STK38: variants seen among roughly 807,000 people sequenced by gnomAD.
STK38 encodes the protein serine/threonine-protein kinase 38.
Under a neutral mutation model 59.0 loss-of-function variants are expected in STK38, and 26 were observed. That is an observed-to-expected ratio of 0.44 (90% CI 0.32 to 0.61). STK38 has a LOEUF of 0.61. Ranked by LOEUF, STK38 falls within the 20% of genes least tolerant of loss-of-function variation. The pLI is 0.04. For missense variants in STK38, 433 were observed against 566.0 expected, an observed-to-expected ratio of 0.76 and a Z score of 2.38; for synonymous variants, 175 against 176.6, an observed-to-expected ratio of 0.99 and a Z score of 0.07.
At chr6:36,518,848 TACA>T (rs2127477794) in intron 5 of STK38, among the ~76,000 whole-genome samples, 1 of 152,372 alleles carries the variant, frequency 6.6e-6, no homozygotes, top group Non-Finnish European at 1.5e-5. Context: ...CTTGACTTTT[TACA>T]ACATGTTCTG....
chr6:36,510,773 C>T (rs1406508052), intron 7 of STK38, among the ~76,000 whole-genome samples: 2 of 152,230 alleles, frequency 1.3e-5, no homozygotes, highest in East Asian at 3.8e-4. Context: ...AGACTCAGAG[C>T]TGTTAAATGG....
intron 9 of STK38, among the ~76,000 whole-genome samples, chr6:36,504,532 T>G (rs1490697896): frequency 1.3e-5 from 2 of 152,114 alleles, no homozygotes; most frequent in Admixed American, 6.6e-5. Context: ...GACTGAGAGG[T>G]GGCTTCATTT....
At chr6:36,515,518 C>CA in intron 6 of STK38, 26 bp from the exon 7 acceptor site, 4 of 1,537,648 alleles carry the variant, frequency 2.6e-6, no homozygotes, top group Non-Finnish European at 2.6e-6. Flanking sequence ...TACAAAGCCA[C>CA]CACACACACA....
intron 2 of STK38, 87 bp downstream of exon 2, chr6:36,539,985 T>C: frequency 6.4e-7 from 1 of 1,565,506 alleles, no homozygotes. Context: ...CTACTATTCT[T>C]GTCTCCTTTC....
At chr6:36,530,759 G>A (rs550732904) in intron 2 of STK38, among the ~76,000 whole-genome samples, 89 of 148,928 alleles carry the variant, frequency 6.0e-4, no homozygotes, top group Middle Eastern at 3.4e-3. Flanking sequence ...GCACAATCTC[G>A]GCTCACTGCA....
At chr6:36,546,094 C>T (rs1458694499) in intron 1 of STK38, among the ~76,000 whole-genome samples, 2 of 152,168 alleles carry the variant, frequency 1.3e-5, no homozygotes, top group East Asian at 1.9e-4. Context: ...CTAATCTCTC[C>T]CACTGAACTG....
chr6:36,495,699 C>A lies in STK38; in HGVS notation c.*85G>T, dbSNP rs1776683680. 1 of 1,569,036 alleles carries A rather than the reference C, an allele frequency of 6.4e-7. No individual in the cohort carries two copies. The highest frequency in any genetic ancestry group is 1.4e-5 in the African/African-American group (1 of 73,880). On this transcript the variant is annotated 3_prime_UTR_variant, in exon 14 of 14. Transcript: ENST00000229812. The stretch of plus-strand genomic sequence containing the variant: ...ACATATTGGTGGGTTCCATCAACTT[C>A]TTGGAAGCTCTTCAAGAGTGTGAGA...
At chr6:36,514,738 T>C (rs560123711) in intron 7 of STK38, among the ~76,000 whole-genome samples, 72 of 151,418 alleles carry the variant, frequency 4.8e-4, no homozygotes, top group Admixed American at 2.0e-4. Flanking sequence ...TCCCAGCTAC[T>C]TGGGAGGCTG....
At chr6:36,538,698 C>G (rs879851824) in intron 2 of STK38, among the ~76,000 whole-genome samples, 15 of 152,058 alleles carry the variant, frequency 9.9e-5, no homozygotes, top group Admixed American at 7.9e-4. Context: ...TCAAGACCAT[C>G]CTGGCCAACA....
chr6:36,499,580 C>T (rs916660048), intron 10 of STK38, among the ~76,000 whole-genome samples: 2 of 152,018 alleles, frequency 1.3e-5, no homozygotes, highest in Non-Finnish European at 2.9e-5. Flanking sequence ...CTGCATACAA[C>T]GGATATTTAA....
In STK38 at chr6:36,535,553, C is replaced by T. The variant is rs139720858; in HGVS notation, c.131+4519G>A. ...ATATTGTTAAGATGTCGATTCTCCACGAACTGATCTACAGAGTCAATATAA... is the reference window on the plus strand; with the variant it reads ...ATATTGTTAAGATGTCGATTCTCCATGAACTGATCTACAGAGTCAATATAA... On this transcript the variant is annotated intron_variant, in intron 2 of 13. Transcript: ENST00000229812. Among the ~76,000 whole-genome samples the T allele has an allele frequency of 7.8e-4, 119 of 152,162 alleles. 2 individuals are homozygous for T. Among genetic ancestry groups the T allele is most frequent in the Middle Eastern group, 6.8e-3 (2 of 294 alleles).
At chr6:36,514,309 C>T (rs1391018065) in intron 7 of STK38, among the ~76,000 whole-genome samples, 3 of 128,416 alleles carry the variant, frequency 2.3e-5, no homozygotes, top group African/African-American at 9.7e-5. Context: ...ATGAGACCGT[C>T]TCAAAAAAAA....
chr6:36,522,876 A>AAAAAAAAAAAAAG (rs774099487), intron 4 of STK38, among the ~76,000 whole-genome samples: 17 of 98,834 alleles, frequency 1.7e-4, no homozygotes, highest in African/African-American at 2.7e-4. Context: ...AAAAAAAAAA[A>AAAAAAAAAAAAAG]AAGAAGAAGA....
chr6:36,520,040 T>C (rs994794779), intron 5 of STK38, among the ~76,000 whole-genome samples: 7 of 152,170 alleles, frequency 4.6e-5, no homozygotes, highest in Non-Finnish European at 1.0e-4. Flanking sequence ...CCCAAAATGG[T>C]GATGAATTTG....
At chr6:36,498,591 T>A in intron 10 of STK38, 105 bp from the exon 11 acceptor site, 2 of 618,496 alleles carry the variant, frequency 3.2e-6, no homozygotes, top group Non-Finnish European at 2.2e-6. Context: ...TCTTTTTTCT[T>A]TTTTTTTTTT....
intron 2 of STK38, among the ~76,000 whole-genome samples, chr6:36,528,195 C>A (rs541779388): frequency 6.6e-6 from 1 of 152,020 alleles, no homozygotes; most frequent in Non-Finnish European, 1.5e-5. Context: ...AATGCCACAC[C>A]AAGAAGGTTG....
chr6:36,496,652 A>C (rs2127464757), intron 13 of STK38, 59 bp downstream of exon 13: 1 of 1,302,934 alleles, frequency 7.7e-7, no homozygotes, highest in Non-Finnish European at 1.1e-6. Context: ...ACATCATCCC[A>C]AAATTGGGGG....
At chr6:36,503,272 A>T (rs1475494556) in intron 9 of STK38, among the ~76,000 whole-genome samples, 1 of 151,950 alleles carries the variant, frequency 6.6e-6, no homozygotes, top group Non-Finnish European at 1.5e-5. Flanking sequence ...TTTTTCCTTT[A>T]TGAGCTGTAG....
chr6:36,515,288 C>T lies in STK38; in HGVS notation c.669+50G>A, dbSNP rs1410221720. 3 of 1,591,686 alleles carry T rather than the reference C, an allele frequency of 1.9e-6. No individual in the cohort carries two copies. The Admixed American group carries it at 5.3e-5, about 28-fold the overall frequency. ...AGGGGTGCAGGTGTTAAAGCAGAGG[C>T]TGCTCAGATCAGTAAACGTGCATAG... is the stretch of plus-strand genomic sequence containing the variant. On this transcript the variant is annotated intron_variant, in intron 7 of 13. Transcript: ENST00000229812.
Sources: allele counts gnomAD v4.1 joint callset (sites outside exome capture counted in the v4.1 genomes callset), GRCh38; gene constraint gnomAD v4.1.1; transcripts MANE v1.5; gene names NCBI Gene and HGNC (gene_info 2026-07-23, HGNC 2026-07-21).